Variants in OSBPL9 observed in about 807,000 individuals in gnomAD.
The protein encoded by OSBPL9 is oxysterol-binding protein-related protein 9.
Under a neutral mutation model 106.6 loss-of-function variants are expected in OSBPL9, and 40 were observed. The observed-to-expected ratio is 0.38, with a 90% CI of 0.29 to 0.49. The LOEUF (loss-of-function observed/expected upper bound fraction) is 0.49, where lower values mean the gene tolerates loss of function less well. OSBPL9 is among the 20% of genes least tolerant of loss of function. The probability of loss-of-function intolerance (pLI) is 0.97; values close to 1 mark genes in which losing one functional copy is unlikely to be tolerated. For missense variants in OSBPL9, 609 were observed against 887.2 expected (o/e 0.69, Z 3.98); for synonymous variants, 269 against 295.4 (o/e 0.91, Z 0.92).
chr1:51,589,381 G>A lies in OSBPL9; in HGVS notation c.-422-8743G>A, dbSNP rs962903887. Among the ~76,000 whole-genome samples the A allele has an allele frequency of 4.6e-5, 7 of 152,226 alleles. No homozygotes were observed. The East Asian group carries it at 7.7e-4, about 17-fold the overall frequency. On this transcript the variant is annotated intron_variant, in intron 1 of 25. Transcript: ENST00000371714. Reference sequence around the variant, plus strand: ...TGGGATTACAGGCGTGAGCCACCACGCCTGGCCTACATTTTTCAAAATTCA... The same window carrying A: ...TGGGATTACAGGCGTGAGCCACCACACCTGGCCTACATTTTTCAAAATTCA...
intron 6 of OSBPL9, 141 bp downstream of exon 6, chr1:51,746,898 GTA>G: frequency 1.7e-6 from 1 of 600,080 alleles, no homozygotes; most frequent in Non-Finnish European, 2.9e-6. Flanking sequence ...GACCTCAAGG[GTA>G]CTTTTCTGAT....
chr1:51,538,459 A>G, the OSBPL9 span, among the ~76,000 whole-genome samples: 1 of 149,194 alleles, frequency 6.7e-6, no homozygotes, highest in Non-Finnish European at 1.5e-5. Flanking sequence ...AAGTATTTAG[A>G]TTCATTTTTT....
At chr1:51,693,305 AAGGCTGCTGCGAGCC>A (rs1247146497) in intron 3 of OSBPL9, among the ~76,000 whole-genome samples, 1 of 151,908 alleles carries the variant, frequency 6.6e-6, no homozygotes, top group Non-Finnish European at 1.5e-5. Flanking sequence ...CCAGGAGGTC[AAGGCTGCTGCGAGCC>A]ATGTTAGTAT....
At chr1:51,765,792 T>A (rs761987302) in intron 11 of OSBPL9, 30 bp from the exon 12 acceptor site, 1 of 1,566,476 alleles carries the variant, frequency 6.4e-7, no homozygotes, top group Admixed American at 2.0e-5. Context: ...TTCACCAATA[T>A]TTTTCTCTAA....
chr1:51,558,566 C>G, the OSBPL9 span, among the ~76,000 whole-genome samples: 1 of 152,118 alleles, frequency 6.6e-6, no homozygotes, highest in Non-Finnish European at 1.5e-5. Context: ...CACCCAGGAA[C>G]TGACTCAGCT....
chr1:51,784,512 A>C lies in OSBPL9; in HGVS notation c.1759A>C (p.Ser587Arg), dbSNP rs372763971. ...CNINCSKTGY[S>R]ANIIFHTKPF... Reference sequence around the variant, plus strand: ...TATTAATTGTTCCAAAACAGGCTATAGTGCAAATATCATCTTCCACACTAA... The same window carrying C: ...TATTAATTGTTCCAAAACAGGCTATCGTGCAAATATCATCTTCCACACTAA... Residue 587 changes from serine (S) to arginine (R), a missense_variant, in exon 20 of 24, where the codon AGT becomes CGT. Physicochemically the swap from Ser to Arg is moderately radical, Grantham distance 110. Transcript: ENST00000428468. The C allele has an allele frequency of 6.2e-6, 10 of 1,613,524 alleles. No homozygotes were observed. The highest frequency in any genetic ancestry group is 8.5e-6 in the Non-Finnish European group (10 of 1,179,502).
At chr1:51,563,948 G>T in the OSBPL9 span, among the ~76,000 whole-genome samples, 3 of 149,436 alleles carry the variant, frequency 2.0e-5, no homozygotes, top group African/African-American at 7.4e-5. Flanking sequence ...GGCAAGTGTG[G>T]TGGCATGCAC....
intron 2 of OSBPL9, among the ~76,000 whole-genome samples, chr1:51,655,375 G>A (rs200689435): frequency 1.3e-5 from 2 of 152,158 alleles, no homozygotes; most frequent in South Asian, 2.1e-4. Context: ...GAGGCTGCAC[G>A]TATTCTTGGT....
intron 15 of OSBPL9, among the ~76,000 whole-genome samples, chr1:51,780,214 A>G (rs898085218): frequency 2.0e-5 from 3 of 152,156 alleles, no homozygotes; most frequent in African/African-American, 7.2e-5. Context: ...AAAAAAAAAA[A>G]AAATAGATGT....
chr1:51,660,639 A>G (rs1339451553), intron 2 of OSBPL9, among the ~76,000 whole-genome samples: 3 of 152,254 alleles, frequency 2.0e-5, no homozygotes, highest in Non-Finnish European at 4.4e-5. Context: ...GCCAGTGCCT[A>G]GAAATTCAAT....
chr1:51,580,929 TATATATATATATATATATATATATAAC>T (rs1645217436), intron 1 of OSBPL9, among the ~76,000 whole-genome samples: 2 of 2,254 alleles, frequency 8.9e-4, no homozygotes, highest in South Asian at 5.7e-3. Context: ...TATATATATA[TATATATATATATATATATATATATAAC>T]TTTTTTGAAA....
At chr1:51,636,266 T>C (rs1480856544) in intron 1 of OSBPL9, among the ~76,000 whole-genome samples, 2 of 145,584 alleles carry the variant, frequency 1.4e-5, no homozygotes, top group African/African-American at 2.5e-5. Flanking sequence ...GCTCAAGTAA[T>C]CCTTCCACCT....
In OSBPL9 at chr1:51,617,096, T is replaced by C. The variant is rs1441751564; in HGVS notation, c.-15T>C. Reference sequence around the variant, plus strand: ...AGTGACGTCAGGCCGTTTGTTGTCATTGGCGGCTCCCAAGATGGCGTCCAT... The same window carrying C: ...AGTGACGTCAGGCCGTTTGTTGTCACTGGCGGCTCCCAAGATGGCGTCCAT... On this transcript the variant is annotated 5_prime_UTR_variant, in exon 1 of 24. Coordinates refer to ENST00000428468, the MANE Select transcript of OSBPL9 (RefSeq NM_024586.6). 2.6e-5 allele frequency: 38 copies of C among 1,447,760 alleles called. No individual in the cohort carries two copies. The highest frequency in any genetic ancestry group is 3.3e-5 in the Non-Finnish European group (36 of 1,074,672). 89.7% of individuals were successfully genotyped at this position (1,447,760 alleles called of 1,614,324 possible). A position where few individuals can be genotyped will look rare whatever the true frequency, so the allele number is the denominator to read the frequency against.
chr1:51,699,935 G>A (rs186993220), intron 3 of OSBPL9, among the ~76,000 whole-genome samples: 186 of 152,202 alleles, frequency 1.2e-3, no homozygotes, highest in African/African-American at 4.1e-3. Context: ...ACCATGATGA[G>A]GTCATGCTGA....
chr1:51,756,564 G>T (rs983694236), intron 9 of OSBPL9: 1 of 544,890 alleles, frequency 1.8e-6, no homozygotes, highest in Admixed American at 3.1e-5. Flanking sequence ...TTCTAAGTGT[G>T]GGTTCAGATT....
At chr1:51,716,040 G>A (rs893402059) in intron 4 of OSBPL9, among the ~76,000 whole-genome samples, 1 of 152,234 alleles carries the variant, frequency 6.6e-6, no homozygotes, top group Non-Finnish European at 1.5e-5. Flanking sequence ...TTCCTAACTA[G>A]ATCCAATATT....
intron 12 of OSBPL9, 33 bp downstream of exon 12, chr1:51,766,014 A>T (rs200727965): frequency 2.6e-6 from 4 of 1,528,544 alleles, no homozygotes; most frequent in Non-Finnish European, 3.5e-6. Flanking sequence ...TATTTAAATG[A>T]TTCTCCTGAT....
At chr1:51,618,125 C>A (rs563974003) in intron 1 of OSBPL9, among the ~76,000 whole-genome samples, 1 of 152,128 alleles carries the variant, frequency 6.6e-6, no homozygotes, top group Admixed American at 6.5e-5. Context: ...TCAAGCGATT[C>A]TCCTGCCTCT....
At chr1:51,781,453 G>T in intron 16 of OSBPL9, 118 bp downstream of exon 16, 1 of 1,044,350 alleles carries the variant, frequency 9.6e-7, no homozygotes, top group East Asian at 2.6e-5. Context: ...ACCCATAGAA[G>T]AAATTGTTGT....
Sources: allele counts gnomAD v4.1 joint callset (sites outside exome capture counted in the v4.1 genomes callset), GRCh38; gene constraint gnomAD v4.1.1; transcripts MANE v1.5; gene names NCBI Gene and HGNC (gene_info 2026-07-23, HGNC 2026-07-21).